Variants in CCDC14 observed in about 807,000 individuals in gnomAD.
CCDC14 encodes coiled-coil domain containing 14.
A neutral mutation model predicts 81.4 loss-of-function variants in CCDC14; 71 were observed. The observed-to-expected ratio is 0.87, with a 90% CI of 0.72 to 1.06. CCDC14 has a LOEUF of 1.06. Among genes scored for constraint, CCDC14 ranks in the 50% least tolerant of loss-of-function variants. The pLI, the probability that CCDC14 is intolerant of heterozygous loss-of-function variation, is 0.00. For missense variants in CCDC14, 1,046 were observed against 1,047.3 expected, an observed-to-expected ratio of 1.00 and a Z score of 0.02; for synonymous variants, 332 against 364.8, an observed-to-expected ratio of 0.91 and a Z score of 1.03.
At chr3:123,916,365 T>TA (rs1446696756) in intron 12 of CCDC14, among the ~76,000 whole-genome samples, 1 of 151,426 alleles carries the variant, frequency 6.6e-6, no homozygotes, top group Non-Finnish European at 1.5e-5. Context: ...AGCCCCAGAG[T>TA]AAAAAACTGG....
chr3:123,915,833 T>C (rs1451900010), intron 12 of CCDC14, 115 bp from the exon 13 acceptor site: 1 of 752,436 alleles, frequency 1.3e-6, no homozygotes, highest in African/African-American at 1.8e-5. Flanking sequence ...GTTCTTAATA[T>C]GAAAACAAGC....
At chr3:123,956,138 G>GAAT (rs761281586) in intron 3 of CCDC14, 23 bp from the exon 4 acceptor site, 39 of 1,522,050 alleles carry the variant, frequency 2.6e-5, no homozygotes, top group Middle Eastern at 1.7e-4. Context: ...AAGTCATTTA[G>GAAT]AATACATTTG....
At chr3:123,903,297 A>ACACACACACAC (rs2034216128) in intron 5 of CCDC14, among the ~76,000 whole-genome samples, 1 of 144,210 alleles carries the variant, frequency 6.9e-6, no homozygotes, top group African/African-American at 2.6e-5. Flanking sequence ...TTATTTTTCA[A>ACACACACACAC]ACACACACAC....
intron 7 of CCDC14, among the ~76,000 whole-genome samples, chr3:123,947,622 A>G (rs1303017447): frequency 2.0e-5 from 3 of 152,114 alleles, no homozygotes; most frequent in Non-Finnish European, 4.4e-5. Flanking sequence ...GTAATTTCCC[A>G]AAGTGGACTA....
chr3:123,896,070 A>G (rs779337597), downstream of CCDC14, among the ~76,000 whole-genome samples: 8 of 152,362 alleles, frequency 5.3e-5, no homozygotes, highest in East Asian at 1.9e-4. Context: ...TACGGTTTGA[A>G]TATCTGTCCT....
At chr3:123,897,732 G>A (rs956251188) in intron 5 of CCDC14, 31 of 320,018 alleles carry the variant, frequency 9.7e-5, no homozygotes, top group East Asian at 1.4e-4. Flanking sequence ...TAGGTTCTCC[G>A]TTTGCTACCC....
At chr3:123,928,077 T>C (rs2035472068) in intron 12 of CCDC14, among the ~76,000 whole-genome samples, 8 of 152,182 alleles carry the variant, frequency 5.3e-5, no homozygotes, top group Admixed American at 5.2e-4. Flanking sequence ...CCATTTCTAC[T>C]AATTTCTAGA....
intron 9 of CCDC14, among the ~76,000 whole-genome samples, chr3:123,943,903 CTAAG>C (rs1401140001): frequency 1.3e-5 from 2 of 152,110 alleles, no homozygotes; most frequent in Non-Finnish European, 2.9e-5. Flanking sequence ...AAGTGGTAAA[CTAAG>C]TGTTTCCGTG....
chr3:123,907,735 T>C (rs1332793313), intron 5 of CCDC14, among the ~76,000 whole-genome samples: 3 of 151,696 alleles, frequency 2.0e-5, no homozygotes, highest in Admixed American at 6.6e-5. Flanking sequence ...AAAAAACCCT[T>C]TTCACCTCTG....
rs1263572987 is a variant in CCDC14, at chr3:123,948,739, G to T, written c.636C>A (p.Thr212=). 3 of 1,602,554 alleles carry T rather than the reference G, an allele frequency of 1.9e-6. No individual in the cohort carries two copies. The African/African-American group carries it at 4.0e-5, about 22-fold the overall frequency. The change falls in exon 7 of 13, where the codon ACC becomes ACA. Residue 212 remains threonine (T), a synonymous_variant. Transcript: ENST00000409697. The part of the protein sequence containing the change: ...PHSSYGLCTS[T]PVWSLQRPPC... ...GTGGCCGCTGAAGTGACCAGACTGG[G>T]GTGGAGGTACATAAGCCATAACTAG...
intron 5 of CCDC14, among the ~76,000 whole-genome samples, chr3:123,951,642 A>C (rs1379414391): frequency 6.6e-6 from 1 of 152,118 alleles, no homozygotes; most frequent in East Asian, 1.9e-4. Flanking sequence ...CTGGTCCTTA[A>C]GAATTGGCTA....
intron 5 of CCDC14, among the ~76,000 whole-genome samples, chr3:123,951,390 A>C (rs1359842071): frequency 2.6e-5 from 4 of 152,240 alleles, no homozygotes; most frequent in African/African-American, 9.6e-5. Flanking sequence ...AAAAGTAATA[A>C]GAGTTACCTT....
At position 123,913,612 on chromosome 3, in the gene CCDC14, A is replaced by T. The variant is rs978992195; in HGVS notation, c.*1167T>A. 14 of 984,440 alleles carry T rather than the reference A, an allele frequency of 1.4e-5. No individual in the cohort carries two copies. Among genetic ancestry groups the T allele is most frequent in the Middle Eastern group, 5.2e-4 (1 of 1,934 alleles). The allele number at this position is 984,440 out of a possible 1,614,324, so 61.0% of individuals were successfully genotyped here. A position where few individuals can be genotyped will look rare whatever the true frequency, so the allele number is the denominator to read the frequency against. On this transcript the variant is annotated 3_prime_UTR_variant, in exon 13 of 13. Coordinates refer to ENST00000409697, the MANE Select transcript of CCDC14 (RefSeq NM_001366335.1). ...TTTAGACTTAAATCTCTATCTGGAA[A>T]ATCTGAACATATCAAAGAGACTACA...
In CCDC14 at chr3:123,961,186, C is replaced by T. The variant is rs541370170; in HGVS notation, c.-13G>A. The T allele has an allele frequency of 6.4e-7, 1 of 1,551,662 alleles. No individual in the cohort carries two copies. The highest frequency in any genetic ancestry group is 1.2e-5 in the South Asian group (1 of 84,058). ...CAGACCTGACCATCTCTCGCCGCCT[C>T]AGAGAAGCCCAGACCGAGGGAAGTG... On this transcript the variant is annotated 5_prime_UTR_variant, in exon 1 of 13. Coordinates refer to ENST00000409697, the MANE Select transcript of CCDC14 (RefSeq NM_001366335.1).
downstream of CCDC14, among the ~76,000 whole-genome samples, chr3:123,911,967 G>C (rs2034458052): frequency 6.6e-6 from 1 of 152,166 alleles, no homozygotes; most frequent in African/African-American, 2.4e-5. Context: ...GGGAATAAGG[G>C]AAGAACATGT....
chr3:123,947,496 AACT>A (rs2036720994), intron 7 of CCDC14, among the ~76,000 whole-genome samples, 177 bp from the exon 8 acceptor site: 1 of 152,192 alleles, frequency 6.6e-6, no homozygotes, highest in East Asian at 1.9e-4. Flanking sequence ...TAGTCTGTGT[AACT>A]ACTCCCATAC....
chr3:123,906,136 T>C (rs1429697795), intron 5 of CCDC14, among the ~76,000 whole-genome samples: 1 of 152,046 alleles, frequency 6.6e-6, no homozygotes. Context: ...GAGACCATCC[T>C]GGCTAACACG....
chr3:123,947,565 T>C (rs2036724133), intron 7 of CCDC14, among the ~76,000 whole-genome samples: 1 of 152,164 alleles, frequency 6.6e-6, no homozygotes. Context: ...TCTGTAAATA[T>C]GTTTGTGCAA....
At chr3:123,925,833 T>C (rs1239221922) in intron 12 of CCDC14, among the ~76,000 whole-genome samples, 1 of 152,250 alleles carries the variant, frequency 6.6e-6, no homozygotes, top group Non-Finnish European at 1.5e-5. Context: ...GGACATTTAA[T>C]TAGCTTGATT....
Sources: gnomAD v4.1 joint callset for allele counts (sites outside exome capture counted in the v4.1 genomes callset) on GRCh38, gnomAD v4.1.1 for gene constraint, MANE v1.5 for transcripts, NCBI Gene and HGNC (gene_info 2026-07-23, HGNC 2026-07-21) for gene names.